Variants in GSK3B observed in about 807,000 individuals in gnomAD.
The protein encoded by GSK3B is glycogen synthase kinase-3 beta.
In GSK3B, 15 loss-of-function variants were observed where a neutral mutation model predicts 56.4. That is an observed-to-expected ratio of 0.27 (90% CI 0.18 to 0.41). The LOEUF (loss-of-function observed/expected upper bound fraction) is 0.41. GSK3B is among the 10% of genes least tolerant of loss of function. The pLI is 1.00. For missense variants in GSK3B, 300 were observed against 513.4 expected, an observed-to-expected ratio of 0.58 and a Z score of 4.02; for synonymous variants, 181 against 188.9, an observed-to-expected ratio of 0.96 and a Z score of 0.34.
intron 1 of GSK3B, among the ~76,000 whole-genome samples, chr3:120,084,127 A>G (rs2058444387): frequency 6.6e-6 from 1 of 152,228 alleles, no homozygotes; most frequent in Non-Finnish European, 1.5e-5. Flanking sequence ...TTATATCTCA[A>G]TAAAGCTATT....
chr3:119,925,855 G>A (rs927232713), intron 3 of GSK3B, among the ~76,000 whole-genome samples: 1 of 152,120 alleles, frequency 6.6e-6, no homozygotes, highest in Admixed American at 6.6e-5. Context: ...TATTCCAGAT[G>A]AACAATCTCC....
At chr3:120,014,956 T>G (rs1349950234) in intron 1 of GSK3B, among the ~76,000 whole-genome samples, 1 of 152,142 alleles carries the variant, frequency 6.6e-6, no homozygotes, top group East Asian at 1.9e-4. Context: ...AGATATCAAT[T>G]CTGAAGAATC....
rs528118332 is a variant in GSK3B, at chr3:119,948,470, A to G, written c.283-1119T>C. On this transcript the variant is annotated intron_variant, in intron 2 of 10. Coordinates refer to ENST00000264235, the MANE Select transcript of GSK3B (RefSeq NM_001146156.2). ...ATTTAAAATCCTTTTATAAGATATC[A>G]ATCTTTCATTCCATTACTTGTTAGT... Among the ~76,000 whole-genome samples the G allele has an allele frequency of 9.8e-5, 15 of 152,358 alleles. 1 individual carries two copies. The South Asian group carries it at 3.1e-3, about 32-fold the overall frequency.
intron 4 of GSK3B, among the ~76,000 whole-genome samples, chr3:119,919,127 C>T (rs1170953428): frequency 6.6e-6 from 1 of 152,100 alleles, no homozygotes; most frequent in Admixed American, 6.5e-5. Context: ...CTGAAATATA[C>T]TCATCAGAAA....
intron 1 of GSK3B, among the ~76,000 whole-genome samples, chr3:120,005,246 G>A (rs2057716753): frequency 6.6e-6 from 1 of 152,046 alleles, no homozygotes; most frequent in African/African-American, 2.4e-5. Context: ...GAAAAGAAAT[G>A]AACAAAGCCT....
At chr3:120,054,114 T>TA (rs1344961556) in intron 1 of GSK3B, among the ~76,000 whole-genome samples, 3 of 152,208 alleles carry the variant, frequency 2.0e-5, no homozygotes, top group Non-Finnish European at 4.4e-5. Context: ...CAGCATTATC[T>TA]AAAAAATACC....
chr3:120,022,563 A>G (rs571395878), intron 1 of GSK3B, among the ~76,000 whole-genome samples: 1 of 151,466 alleles, frequency 6.6e-6, no homozygotes, highest in Non-Finnish European at 1.5e-5. Flanking sequence ...CTCCCCACAA[A>G]AGAGAGAGAG....
intron 2 of GSK3B, among the ~76,000 whole-genome samples, chr3:119,992,019 T>C (rs2057570787): frequency 6.6e-6 from 1 of 152,034 alleles, no homozygotes. Context: ...CTAAGATAAT[T>C]CAAGCTCACA....
At chr3:119,893,456 C>T (rs913776643) in intron 7 of GSK3B, among the ~76,000 whole-genome samples, 3 of 152,056 alleles carry the variant, frequency 2.0e-5, no homozygotes, top group Non-Finnish European at 4.4e-5. Context: ...TCAGGGTTTC[C>T]TTCTAATTTC....
At chr3:119,849,926 G>A (rs1009099582) in intron 9 of GSK3B, among the ~76,000 whole-genome samples, 9 of 151,824 alleles carry the variant, frequency 5.9e-5, no homozygotes, top group African/African-American at 1.9e-4. Flanking sequence ...CGCGATTCTC[G>A]TGCATGAGCC....
chr3:120,052,039 G>C (rs1015088935), intron 1 of GSK3B, among the ~76,000 whole-genome samples: 15 of 152,148 alleles, frequency 9.9e-5, no homozygotes, highest in African/African-American at 3.6e-4. Flanking sequence ...CAGAAGGAAA[G>C]AGTTCACTAT....
intron 3 of GSK3B, among the ~76,000 whole-genome samples, chr3:119,928,225 C>T (rs1576206063): frequency 1.3e-5 from 2 of 152,272 alleles, no homozygotes; most frequent in Middle Eastern, 6.8e-3. Flanking sequence ...AACATTGTTG[C>T]TGGGCTTTTG....
At chr3:120,093,255 AG>A in intron 1 of GSK3B, 91 bp downstream of exon 1, 3 of 845,728 alleles carry the variant, frequency 3.5e-6, no homozygotes, top group Non-Finnish European at 6.0e-6. Flanking sequence ...CCTGTTTATC[AG>A]GAGGTCTAAT....
At chr3:120,072,448 A>G (rs2058334472) in intron 1 of GSK3B, among the ~76,000 whole-genome samples, 1 of 152,024 alleles carries the variant, frequency 6.6e-6, no homozygotes, top group Non-Finnish European at 1.5e-5. Context: ...TTGGCAGGGC[A>G]TGGTGGTACG....
intron 2 of GSK3B, among the ~76,000 whole-genome samples, chr3:120,000,880 T>C (rs1181412470): frequency 6.6e-6 from 1 of 150,890 alleles, no homozygotes; most frequent in African/African-American, 2.4e-5. Flanking sequence ...GGTTTGGATG[T>C]TTATCCCTTT....
rs545265850 is a variant in GSK3B, at chr3:119,851,190, G to C, written c.1097-7837C>G. 5.3e-5 allele frequency among the ~76,000 whole-genome samples: 8 copies of C among 152,240 alleles called. No individual in the cohort carries two copies. In the South Asian group the frequency reaches 1.7e-3, roughly 32 times the overall value. ...CAAAAGCAAAATGAGTTTAAATATA[G>C]ATATGAATCAACCAAAAAGTTAACA... is the stretch of plus-strand genomic sequence containing the variant. On this transcript the variant is annotated intron_variant, in intron 9 of 10. Coordinates refer to ENST00000264235, the MANE Select transcript of GSK3B (RefSeq NM_001146156.2).
intron 9 of GSK3B, among the ~76,000 whole-genome samples, chr3:119,860,296 C>A (rs1440281286): frequency 1.3e-5 from 2 of 152,122 alleles, no homozygotes; most frequent in African/African-American, 4.8e-5. Context: ...ATTTGAAATT[C>A]TAATGACAGG....
At chr3:119,913,492 T>C (rs1393456058) in intron 5 of GSK3B, among the ~76,000 whole-genome samples, 4 of 152,056 alleles carry the variant, frequency 2.6e-5, no homozygotes, top group African/African-American at 9.7e-5. Flanking sequence ...ATTTTAAATA[T>C]GAAGTATAAT....
chr3:120,021,786 G>C (rs1400556325), intron 1 of GSK3B, among the ~76,000 whole-genome samples: 1 of 152,204 alleles, frequency 6.6e-6, no homozygotes, highest in Non-Finnish European at 1.5e-5. Flanking sequence ...TGTACTCCTG[G>C]TGAATATGCT....
Sources: allele counts gnomAD v4.1 joint callset (sites outside exome capture counted in the v4.1 genomes callset), GRCh38; gene constraint gnomAD v4.1.1; transcripts MANE v1.5; gene names NCBI Gene and HGNC (gene_info 2026-07-23, HGNC 2026-07-21).